FBRSL1: variants seen among roughly 807,000 people sequenced by gnomAD.
FBRSL1 encodes the protein fibrosin-1-like protein.
FBRSL1 carries 51 observed loss-of-function variants against 89.6 expected under a neutral mutation model. That is an observed-to-expected ratio of 0.57 (90% CI 0.45 to 0.72). The LOEUF (loss-of-function observed/expected upper bound fraction) is 0.72, where lower values mean the gene tolerates loss of function less well. FBRSL1 is among the 30% of genes least tolerant of loss of function. FBRSL1 has a pLI of 0.00. For missense variants in FBRSL1, 1,618 were observed against 1,451.8 expected (o/e 1.11, Z -1.86); for synonymous variants, 779 against 681.1 (o/e 1.14, Z -2.24).
At chr12:132,559,645 GC>G (rs1167715941) in intron 5 of FBRSL1, among the ~76,000 whole-genome samples, 1 of 152,058 alleles carries the variant, frequency 6.6e-6, no homozygotes, top group African/African-American at 2.4e-5. Context: ...CAAGTGATCC[GC>G]CCACCTCGGC....
intron 5 of FBRSL1, chr12:132,551,811 T>C (rs946972948): frequency 5.7e-6 from 2 of 348,230 alleles, no homozygotes; most frequent in Non-Finnish European, 1.2e-5. Flanking sequence ...AGTCTTCGGT[T>C]TGTGTCTAAC....
chr12:132,540,511 G>A (rs1281237420), intron 4 of FBRSL1, among the ~76,000 whole-genome samples: 5 of 151,452 alleles, frequency 3.3e-5, no homozygotes, highest in African/African-American at 1.2e-4. Context: ...CTGGCCTGGT[G>A]CAGCAGCAGA....
intron 3 of FBRSL1, among the ~76,000 whole-genome samples, chr12:132,526,804 G>T (rs1207863345): frequency 6.6e-6 from 1 of 152,072 alleles, no homozygotes; most frequent in Non-Finnish European, 1.5e-5. Flanking sequence ...AGCCCCACTT[G>T]CCCAGCTCAG....
intron 9 of FBRSL1, chr12:132,572,069 A>C: frequency 1.8e-6 from 1 of 562,680 alleles, no homozygotes; most frequent in Non-Finnish European, 3.2e-6. Context: ...ACCCCATGCA[A>C]GGGGACCCTT....
At chr12:132,545,806 C>T (rs1593430727) in intron 4 of FBRSL1, among the ~76,000 whole-genome samples, 1 of 152,368 alleles carries the variant, frequency 6.6e-6, no homozygotes, top group East Asian at 1.9e-4. Flanking sequence ...TGGCCAGAAC[C>T]CTGACAGTCT....
Position 132,582,963 on chromosome 12 carries a change from G to GC in FBRSL1, c.2202-3dup. 1.4e-6 allele frequency: 2 copies of GC among 1,406,560 alleles called. No homozygotes were observed. Among genetic ancestry groups the GC allele is most frequent in the Non-Finnish European group, 1.8e-6 (2 of 1,089,790 alleles). 87.1% of individuals were successfully genotyped at this position (1,406,560 alleles called of 1,614,324 possible). A position where few individuals can be genotyped will look rare whatever the true frequency, so the allele number is the denominator to read the frequency against. ...TCGGGAGTGACGGGTCCGCCCTGCC[G>GC]CCCCCAGGGACCTCCTGGAGAAGAC... On this transcript the variant is annotated splice_polypyrimidine_tract_variant and splice_region_variant and intron_variant, in intron 18 of 18. Transcript: ENST00000680143.
rs1277537653 is a variant in FBRSL1 at position 132,570,455 on chromosome 12, C to T, written c.1128C>T (p.His376=). Reference sequence around the variant, plus strand: ...GGTCCCAGGCGCAGCACCAGCTCCACGCGGCCATGTTTGCCGCACCCCCGA... The same window carrying T: ...GGTCCCAGGCGCAGCACCAGCTCCATGCGGCCATGTTTGCCGCACCCCCGA... The part of the protein sequence containing the change: ...ALRSQAQHQL[H]AAMFAAPPTL... Residue 376 remains histidine, a synonymous_variant, in exon 8 of 19, where the codon CAC becomes CAT. Transcript: ENST00000680143. The T allele has an allele frequency of 1.1e-5, 17 of 1,533,848 alleles. No individual in the cohort carries two copies. The highest frequency in any genetic ancestry group is 1.4e-5 in the Non-Finnish European group (16 of 1,145,550).
chr12:132,560,403 C>CGGCG (rs1036218190), intron 5 of FBRSL1, among the ~76,000 whole-genome samples: 2 of 151,832 alleles, frequency 1.3e-5, no homozygotes, highest in Admixed American at 6.6e-5. Context: ...GCGCACGTGG[C>CGGCG]GGCGGGCGGG....
In FBRSL1 at chr12:132,510,693, C is replaced by T. The variant is rs1357264409; in HGVS notation, c.489+2343C>T. 33 of 1,223,794 alleles carry T rather than the reference C, an allele frequency of 2.7e-5. 1 individual carries two copies. In the South Asian group the frequency reaches 9.4e-4, roughly 35 times the overall value. The allele number at this position is 1,223,794 out of a possible 1,614,324, so 75.8% of individuals were successfully genotyped here. A position where few individuals can be genotyped will look rare whatever the true frequency, so the allele number is the denominator to read the frequency against. On this transcript the variant is annotated intron_variant, in intron 2 of 18. Coordinates refer to ENST00000680143, the MANE Select transcript of FBRSL1 (RefSeq NM_001367871.1). The stretch of plus-strand genomic sequence containing the variant: ...ACCACACCAGGAAGAGAGATGAACC[C>T]GCGTCTGCCTGCCGCCCCGCCATGC...
At position 132,583,069 on chromosome 12, in the gene FBRSL1, T is replaced by G. The variant is rs1566255843; in HGVS notation, c.2300T>G (p.Leu767Arg). ...CTCCTGCTCCGGGCCCAGAGCGAGCTGGGCCGGTCCGGGGCCCCCGCGGAG... is the reference window on the plus strand; with the variant it reads ...CTCCTGCTCCGGGCCCAGAGCGAGCGGGGCCGGTCCGGGGCCCCCGCGGAG... ...SGLLLRAQSE[L>R]GRSGAPAERE... Residue 767 changes from leucine to arginine, a missense_variant, in exon 19 of 19, where the codon CTG (leucine) becomes CGG (arginine). Leu to Arg is a moderately radical substitution (Grantham distance 102). Transcript: ENST00000680143. 1.4e-6 allele frequency: 2 copies of G among 1,444,810 alleles called. No individual in the cohort carries two copies. Among genetic ancestry groups the G allele is most frequent in the Non-Finnish European group, 1.8e-6 (2 of 1,104,432 alleles). The allele number at this position is 1,444,810 out of a possible 1,614,324, so 89.5% of individuals were successfully genotyped here.
chr12:132,524,329 G>C (rs2035606026), intron 2 of FBRSL1, among the ~76,000 whole-genome samples: 3 of 152,266 alleles, frequency 2.0e-5, no homozygotes, highest in Admixed American at 1.3e-4. Context: ...TCCAGTGTGG[G>C]TGCCTGCTAC....
intron 5 of FBRSL1, among the ~76,000 whole-genome samples, chr12:132,559,135 C>T (rs547923430): frequency 1.3e-5 from 2 of 152,262 alleles, no homozygotes; most frequent in African/African-American, 4.8e-5. Flanking sequence ...AGCGCCCCAC[C>T]GTAAGGGAGA....
At chr12:132,530,659 G>C (rs1593363584) in intron 4 of FBRSL1, among the ~76,000 whole-genome samples, 1 of 149,898 alleles carries the variant, frequency 6.7e-6, no homozygotes, top group East Asian at 2.0e-4. Context: ...TAACTTGCCA[G>C]CTGCTTGCAG....
At chr12:132,552,048 G>A in intron 5 of FBRSL1, 1 of 229,418 alleles carries the variant, frequency 4.4e-6, no homozygotes, top group Non-Finnish European at 8.9e-6. Flanking sequence ...GTGGCATGAG[G>A]TCAGACATGG....
chr12:132,578,213 C>T (rs1314198642), intron 15 of FBRSL1, among the ~76,000 whole-genome samples: 7 of 152,232 alleles, frequency 4.6e-5, no homozygotes, highest in East Asian at 1.9e-4. Flanking sequence ...GGCGTGGTGG[C>T]GCACGCCCGT....
chr12:132,545,981 G>A (rs564668020), intron 4 of FBRSL1, among the ~76,000 whole-genome samples: 16 of 152,282 alleles, frequency 1.1e-4, no homozygotes, highest in South Asian at 6.2e-4. Context: ...CCTCCAGGGC[G>A]CACTCCCTCT....
intron 5 of FBRSL1, among the ~76,000 whole-genome samples, chr12:132,564,127 G>A (rs1292072598): frequency 6.6e-6 from 1 of 152,328 alleles, no homozygotes; most frequent in East Asian, 1.9e-4. Context: ...TTCCATATGT[G>A]GCTGAGGCAG....
chr12:132,573,556 G>A (rs1428511460), intron 11 of FBRSL1, among the ~76,000 whole-genome samples: 1 of 152,202 alleles, frequency 6.6e-6, no homozygotes, highest in East Asian at 1.9e-4. Context: ...AGGACGCTGA[G>A]GCCCTGAGTC....
chr12:132,575,417 C>T (rs532838507), intron 14 of FBRSL1, among the ~76,000 whole-genome samples: 32 of 152,298 alleles, frequency 2.1e-4, no homozygotes, highest in South Asian at 1.2e-3. Context: ...TTTGTAGAGA[C>T]GGGGTTTCAC....
Sources: gnomAD v4.1 joint callset for allele counts (sites outside exome capture counted in the v4.1 genomes callset) on GRCh38, gnomAD v4.1.1 for gene constraint, MANE v1.5 for transcripts, NCBI Gene and HGNC (gene_info 2026-07-23, HGNC 2026-07-21) for gene names.